Variants in MYO1F observed in about 807,000 individuals in gnomAD.
MYO1F encodes the protein myosin IF, also known as unconventional myosin-If.
MYO1F carries 60 observed loss-of-function variants against 146.6 expected under a neutral mutation model. The observed-to-expected ratio is 0.41, with a 90% CI of 0.33 to 0.51. The LOEUF is 0.51. MYO1F is among the 20% of genes least tolerant of loss of function. The pLI is 0.25. For missense variants in MYO1F, 1,274 were observed against 1,534.3 expected (o/e 0.83, Z 2.83); for synonymous variants, 602 against 602.1 (o/e 1.00, Z 0.00).
At chr19:8,523,863 G>A (rs1972158225) in intron 25 of MYO1F, among the ~76,000 whole-genome samples, 2 of 152,172 alleles carry the variant, frequency 1.3e-5, no homozygotes, top group South Asian at 4.1e-4. Context: ...GCTCACGCCT[G>A]TAATCCTAGC....
intron 1 of MYO1F, among the ~76,000 whole-genome samples, chr19:8,563,407 C>T (rs1337502165): frequency 6.6e-6 from 1 of 151,552 alleles, no homozygotes; most frequent in East Asian, 1.9e-4. Context: ...AAGCGATTCT[C>T]ATGCCTCAGC....
rs1158019158 is a variant in MYO1F at position 8,551,032 on chromosome 19, G to A, written c.772-338C>T. Among the ~76,000 whole-genome samples the A allele has an allele frequency of 6.2e-5, 9 of 145,316 alleles. No individual in the cohort carries two copies. The South Asian group carries it at 1.5e-3, about 25-fold the overall frequency. On this transcript the variant is annotated intron_variant, in intron 8 of 27. Transcript: ENST00000644032. ...AGTAGCTGGGATTACAGGCGTGAGC[G>A]TCGTGTCCGGACTGGGCTTTGGTTT...
intron 16 of MYO1F, among the ~76,000 whole-genome samples, chr19:8,537,884 G>A (rs921234770): frequency 6.6e-6 from 1 of 152,182 alleles, no homozygotes; most frequent in African/African-American, 2.4e-5. Context: ...CTGAGCCACT[G>A]TGCCTGGCTA....
In MYO1F at chr19:8,544,375, C is replaced by A; in HGVS notation, c.1446G>T (p.Lys482Asn). 1.9e-6 allele frequency: 3 copies of A among 1,613,188 alleles called. No homozygotes were observed. The highest frequency in any genetic ancestry group is 2.5e-6 in the Non-Finnish European group (3 of 1,179,878). The change falls in exon 14 of 28, where the codon AAG becomes AAT. Residue 482 changes from lysine to asparagine, a missense_variant. Coordinates refer to ENST00000644032, the MANE Select transcript of MYO1F (RefSeq NM_012335.4). Reference protein sequence around the residue: ...GGGADQTLLQKLQAAVGTHEH... With the variant: ...GGGADQTLLQNLQAAVGTHEH... ...CGTGGGTCCCCACAGCCGCCTGCAG[C>A]TTCTGCAGCAGTGTCTGGTCTGCTC...
chr19:8,545,451 T>C (rs1973302918), intron 13 of MYO1F, 199 bp downstream of exon 13: 1 of 641,616 alleles, frequency 1.6e-6, no homozygotes. Context: ...AATGATTAAG[T>C]GAAAGGTGGA....
intron 1 of MYO1F, among the ~76,000 whole-genome samples, chr19:8,572,325 T>C (rs1166112811): frequency 6.6e-6 from 1 of 152,054 alleles, no homozygotes; most frequent in Non-Finnish European, 1.5e-5. Context: ...TGGAGTGTAG[T>C]GGTGCGATCT....
intron 6 of MYO1F, 68 bp downstream of exon 6, chr19:8,553,071 G>A: frequency 2.1e-6 from 3 of 1,408,092 alleles, no homozygotes; most frequent in South Asian, 2.3e-5. Context: ...GTGTGTATGT[G>A]TGGGTGTGTG....
At chr19:8,527,651 C>T (rs187261172) in intron 21 of MYO1F, among the ~76,000 whole-genome samples, 168 bp from the exon 22 acceptor site, 200 of 152,242 alleles carry the variant, frequency 1.3e-3, no homozygotes, top group Non-Finnish European at 2.3e-3. Context: ...CTCACTCTGT[C>T]GCTCAGGCTG....
chr19:8,550,063 G>T, intron 10 of MYO1F, 97 bp downstream of exon 10: 1 of 1,396,998 alleles, frequency 7.2e-7, no homozygotes, highest in Non-Finnish European at 9.9e-7. Flanking sequence ...GCCACCCAAA[G>T]CATTGGGATT....
In MYO1F at chr19:8,536,611, T is replaced by C. The variant is rs746597787; in HGVS notation, c.1800-14A>G. On this transcript the variant is annotated splice_polypyrimidine_tract_variant and intron_variant, in intron 17 of 27. Coordinates refer to ENST00000644032, the MANE Select transcript of MYO1F (RefSeq NM_012335.4). ...TGGTGCTTGACTCTGGTGGGGAGGG[T>C]AGGCTGAGTCCCCTCGGGGTGGGGA... 1 of 1,295,696 alleles carries C rather than the reference T, an allele frequency of 7.7e-7. No individual in the cohort carries two copies. Among genetic ancestry groups the C allele is most frequent in the Non-Finnish European group, 1.0e-6 (1 of 1,004,472 alleles). The allele number at this position is 1,295,696 out of a possible 1,614,324, so 80.3% of individuals were successfully genotyped here. A position where few individuals can be genotyped will look rare whatever the true frequency, so the allele number is the denominator to read the frequency against.
intron 1 of MYO1F, among the ~76,000 whole-genome samples, chr19:8,572,135 G>A (rs2042122564): frequency 6.6e-6 from 1 of 152,196 alleles, no homozygotes; most frequent in African/African-American, 2.4e-5. Flanking sequence ...AGCTGGAGCT[G>A]GGGAACCCTG....
intron 19 of MYO1F, among the ~76,000 whole-genome samples, chr19:8,531,897 C>G (rs952844552): frequency 1.3e-5 from 2 of 152,088 alleles, no homozygotes; most frequent in Non-Finnish European, 2.9e-5. Context: ...GTGGGCGGAT[C>G]ACCTGAGGTC....
intron 16 of MYO1F, 75 bp downstream of exon 16, chr19:8,539,872 C>G (rs1205488332): frequency 1.5e-6 from 2 of 1,317,282 alleles, no homozygotes; most frequent in Admixed American, 1.8e-5. Flanking sequence ...ATGAGAGAAA[C>G]AGAGTCCGGA....
chr19:8,572,775 A>G lies in MYO1F; in HGVS notation c.3+4532T>C, dbSNP rs193014972. 5.1e-4 allele frequency among the ~76,000 whole-genome samples: 78 copies of G among 152,286 alleles called. No individual in the cohort carries two copies. The East Asian group carries it at 0.014, about 27-fold the overall frequency. Reference sequence around the variant, plus strand: ...CAGTGGGGCCATCACAGCTCACTGCAGCCTGGAACTCCTGGGCTCAAGTGA... The same window carrying G: ...CAGTGGGGCCATCACAGCTCACTGCGGCCTGGAACTCCTGGGCTCAAGTGA... On this transcript the variant is annotated intron_variant, in intron 1 of 27. Coordinates refer to ENST00000644032, the MANE Select transcript of MYO1F (RefSeq NM_012335.4).
Position 8,554,342 on chromosome 19 carries a change from A to G in MYO1F, c.326+135T>C. On this transcript the variant is annotated intron_variant, in intron 4 of 27. Transcript: ENST00000644032. The stretch of plus-strand genomic sequence containing the variant: ...TGAGTCAGATGGTGACAAGGAAAAT[A>G]AAACAGAGTGAGGGCAGAGAGGGAC... 7 of 802,824 alleles carry G rather than the reference A, an allele frequency of 8.7e-6. No homozygotes were observed. In the South Asian group the frequency reaches 9.4e-5, roughly 11 times the overall value. The allele number at this position is 802,824 out of a possible 1,614,324, so 49.7% of individuals were successfully genotyped here.
Position 8,536,358 on chromosome 19 carries a change from C to T in MYO1F, c.1937G>A (p.Arg646His), listed in dbSNP as rs573248456. 2.7e-5 allele frequency: 43 copies of T among 1,604,684 alleles called. No homozygotes were observed. Among genetic ancestry groups the T allele is most frequent in the East Asian group, 1.8e-4 (8 of 44,656 alleles). ...ILTPETWPRWRGDERQGVQHL... is the reference protein window; with the variant it reads ...ILTPETWPRWHGDERQGVQHL... Reference sequence around the variant, plus strand: ...CTGGACGCCCTGGCGTTCGTCCCCACGCCACCGCGGCCACGTCTCGGGGGT... The same window carrying T: ...CTGGACGCCCTGGCGTTCGTCCCCATGCCACCGCGGCCACGTCTCGGGGGT... The change falls in exon 19 of 28, where the codon CGT becomes CAT. Residue 646 changes from arginine to histidine, a missense_variant. Around this residue, in one of 2 missense-constraint regions of MYO1F, gnomAD observed 900 missense variants for 1,155.1 expected, o/e 0.78. Coordinates refer to ENST00000644032, the MANE Select transcript of MYO1F (RefSeq NM_012335.4).
intron 1 of MYO1F, among the ~76,000 whole-genome samples, chr19:8,564,484 T>C (rs1194720192): frequency 1.3e-5 from 2 of 150,830 alleles, no homozygotes; most frequent in Non-Finnish European, 3.0e-5. Flanking sequence ...CATGGAGGGG[T>C]TGAAGTTGAC....
Position 8,553,410 on chromosome 19 carries a change from C to T in MYO1F, c.354G>A (p.Val118=). 2 of 1,614,094 alleles carry T rather than the reference C, an allele frequency of 1.2e-6. No individual in the cohort carries two copies. The highest frequency in any genetic ancestry group is 3.3e-5 in the Admixed American group (2 of 59,996). ...TGTAGCCCATGATATATTTGGCTGCCACTGTCTTCCCAGCTCCACTCTCTC... is the reference window on the plus strand; with the variant it reads ...TGTAGCCCATGATATATTTGGCTGCTACTGTCTTCCCAGCTCCACTCTCTC... ...ISGESGAGKT[V]AAKYIMGYIS... is the part of the protein sequence containing the mutation. Residue 118 remains valine (V), a synonymous_variant, in exon 5 of 28, where the codon GTG becomes GTA. Transcript: ENST00000644032.
chr19:8,571,890 C>A (rs939560252), intron 1 of MYO1F, among the ~76,000 whole-genome samples: 2 of 152,080 alleles, frequency 1.3e-5, no homozygotes, highest in Admixed American at 6.6e-5. Flanking sequence ...AGCCACCGCG[C>A]CCAGCCCCTG....
Sources: gnomAD v4.1 joint callset for allele counts (sites outside exome capture counted in the v4.1 genomes callset) on GRCh38, gnomAD v4.1.1 for gene constraint, gnomAD v4.1.1 regional missense constraint, MANE v1.5 for transcripts, NCBI Gene and HGNC (gene_info 2026-07-23, HGNC 2026-07-21) for gene names.